The following TACR1 variants were observed in gnomAD, a reference collection of about 807,000 sequenced individuals.
TACR1 encodes substance-P receptor.
In TACR1, 25 loss-of-function variants were observed where a neutral mutation model predicts 35.8. The ratio of observed to expected loss-of-function variants is 0.70; its 90% CI spans 0.51 to 0.98. TACR1 has a LOEUF of 0.98. TACR1 is among the 50% of genes least tolerant of loss of function. TACR1 has a pLI of 0.00. For missense variants in TACR1, 478 were observed against 522.9 expected (o/e 0.91, Z 0.84); for synonymous variants, 195 against 206.7 (o/e 0.94, Z 0.48).
intron 2 of TACR1, among the ~76,000 whole-genome samples, chr2:75,087,441 A>G (rs1673210654): frequency 1.3e-5 from 2 of 152,214 alleles, no homozygotes; most frequent in African/African-American, 4.8e-5. Context: ...TGTTTGGAAG[A>G]CACCATTAAT....
intron 1 of TACR1, among the ~76,000 whole-genome samples, chr2:75,194,283 A>C (rs1053399732): frequency 6.6e-6 from 1 of 152,186 alleles, no homozygotes; most frequent in Admixed American, 6.5e-5. Context: ...ATTTTGATCC[A>C]CATCAATGCT....
At chr2:75,091,511 C>T (rs144157183) in intron 2 of TACR1, among the ~76,000 whole-genome samples, 8 of 152,136 alleles carry the variant, frequency 5.3e-5, no homozygotes, top group Non-Finnish European at 1.0e-4. Flanking sequence ...TACTATAATA[C>T]CCATTTTAAA....
intron 2 of TACR1, among the ~76,000 whole-genome samples, chr2:75,088,249 A>C (rs1673227312): frequency 6.6e-6 from 1 of 152,068 alleles, no homozygotes; most frequent in Non-Finnish European, 1.5e-5. Flanking sequence ...CTTGTCCTTG[A>C]TCAGGTCCTG....
intron 1 of TACR1, among the ~76,000 whole-genome samples, chr2:75,158,393 G>A (rs1468172600): frequency 6.6e-6 from 1 of 152,072 alleles, no homozygotes; most frequent in Non-Finnish European, 1.5e-5. Flanking sequence ...TAATAAGAGG[G>A]ATTATTATAA....
intron 2 of TACR1, among the ~76,000 whole-genome samples, chr2:75,079,316 T>C (rs1673035877): frequency 6.6e-6 from 1 of 152,190 alleles, no homozygotes; most frequent in Non-Finnish European, 1.5e-5. Context: ...ATAATAAGTT[T>C]CCTGAGCATG....
In TACR1 at chr2:75,169,351, A is replaced by G. The variant is rs1675221119; in HGVS notation, c.389+29195T>C. ...GGTTTAGTTTTTATCTAAGAAAAGG[A>G]TGTGATGGTTCTACTCTCAAAACCT... On this transcript the variant is annotated intron_variant, in intron 1 of 4. Coordinates refer to ENST00000305249, the MANE Select transcript of TACR1 (RefSeq NM_001058.4). 2.0e-5 allele frequency among the ~76,000 whole-genome samples: 3 copies of G among 152,162 alleles called. No individual in the cohort carries two copies. In the South Asian group the frequency reaches 6.2e-4, roughly 32 times the overall value.
chr2:75,128,089 C>T (rs1674109408), intron 1 of TACR1, among the ~76,000 whole-genome samples: 1 of 152,168 alleles, frequency 6.6e-6, no homozygotes, highest in African/African-American at 2.4e-5. Flanking sequence ...TTTTGGGAAA[C>T]TTACCAAAGA....
At chr2:75,198,450 T>G in intron 1 of TACR1, 96 bp downstream of exon 1, 1 of 1,428,580 alleles carries the variant, frequency 7.0e-7, no homozygotes, top group Non-Finnish European at 9.5e-7. Context: ...TGGCCAATCT[T>G]CCACTTGACC....
At chr2:75,183,007 G>T (rs1675595022) in intron 1 of TACR1, among the ~76,000 whole-genome samples, 1 of 152,152 alleles carries the variant, frequency 6.6e-6, no homozygotes, top group African/African-American at 2.4e-5. Context: ...CTCCTGAAGG[G>T]CAGAAATCAT....
chr2:75,160,247 G>GA (rs59644017), intron 1 of TACR1, among the ~76,000 whole-genome samples: 8,235 of 149,918 alleles, frequency 0.055, 468 homozygotes, highest in African/African-American at 0.14. Context: ...TGAGTAAATA[G>GA]AAAAAAAAAT....
In TACR1 at chr2:75,122,286, C is replaced by T. The variant is rs187417450; in HGVS notation, c.390-1518G>A. Among the ~76,000 whole-genome samples, 460 of 152,260 alleles carry T rather than the reference C, an allele frequency of 3.0e-3. 3 individuals are homozygous for T. Among genetic ancestry groups the T allele is most frequent in the African/African-American group, 9.7e-3 (404 of 41,536 alleles). On this transcript the variant is annotated intron_variant, in intron 1 of 4. Coordinates refer to ENST00000305249, the MANE Select transcript of TACR1 (RefSeq NM_001058.4). ...ATTTGGGGTGAGTCTGCTGAGCATC[C>T]TGCCCCAACGGGAGGAAGTGTTTGG...
chr2:75,119,632 T>A (rs1348004027), intron 2 of TACR1, among the ~76,000 whole-genome samples: 1 of 152,228 alleles, frequency 6.6e-6, no homozygotes, highest in Non-Finnish European at 1.5e-5. Context: ...GCTGGGATAC[T>A]TCGAGAAACC....
intron 1 of TACR1, among the ~76,000 whole-genome samples, chr2:75,127,454 G>T (rs1674095565): frequency 6.6e-6 from 1 of 152,182 alleles, no homozygotes; most frequent in South Asian, 2.1e-4. Flanking sequence ...AAAAGCATGA[G>T]GTTTTGATCT....
chr2:75,113,159 T>C (rs1673783635), intron 2 of TACR1, among the ~76,000 whole-genome samples: 2 of 152,222 alleles, frequency 1.3e-5, no homozygotes, highest in Non-Finnish European at 2.9e-5. Context: ...CCCCTTTACC[T>C]CCAAGCTGTA....
chr2:75,164,953 C>T (rs1351384913), intron 1 of TACR1, among the ~76,000 whole-genome samples: 2 of 152,228 alleles, frequency 1.3e-5, no homozygotes, highest in Non-Finnish European at 2.9e-5. Flanking sequence ...TGACACTGAA[C>T]TTGTCCCAAT....
intron 2 of TACR1, among the ~76,000 whole-genome samples, chr2:75,107,968 TATTAA>T (rs1337054869): frequency 6.6e-6 from 1 of 151,954 alleles, no homozygotes; most frequent in South Asian, 2.1e-4. Flanking sequence ...AATTGTATGT[TATTAA>T]ATTAAAAAGT....
intron 1 of TACR1, among the ~76,000 whole-genome samples, chr2:75,173,921 T>G (rs1379769090): frequency 6.6e-6 from 1 of 152,240 alleles, no homozygotes; most frequent in Non-Finnish European, 1.5e-5. Context: ...CCACTTGGCC[T>G]TCCCAGAGGA....
At chr2:75,137,209 T>G (rs1464620702) in intron 1 of TACR1, among the ~76,000 whole-genome samples, 2 of 152,164 alleles carry the variant, frequency 1.3e-5, no homozygotes, top group Admixed American at 1.3e-4. Context: ...ATGACAGATT[T>G]CAAACAACAC....
intron 2 of TACR1, among the ~76,000 whole-genome samples, chr2:75,101,511 G>A (rs1673532473): frequency 2.0e-5 from 3 of 152,120 alleles, no homozygotes; most frequent in African/African-American, 4.8e-5. Flanking sequence ...GGAGTAAAAA[G>A]TAACTTGCCA....
Sources: gnomAD v4.1 joint callset for allele counts (sites outside exome capture counted in the v4.1 genomes callset) on GRCh38, gnomAD v4.1.1 for gene constraint, MANE v1.5 for transcripts, NCBI Gene and HGNC (gene_info 2026-07-23, HGNC 2026-07-21) for gene names.